Variants in ITPK1 observed in about 807,000 individuals in gnomAD.
ITPK1 encodes inositol-tetrakisphosphate 1-kinase, also known as inositol 1,3,4-trisphosphate 5/6-kinase.
A neutral mutation model predicts 45.3 loss-of-function variants in ITPK1; 21 were observed. The ratio of observed to expected loss-of-function variants is 0.46; its 90% CI spans 0.33 to 0.67. ITPK1 has a LOEUF of 0.67. ITPK1 is among the 30% of genes least tolerant of loss of function. The pLI is 0.02. For missense variants in ITPK1, 474 were observed against 573.5 expected (o/e 0.83, Z 1.77); for synonymous variants, 258 against 253.6 (o/e 1.02, Z -0.16).
chr14:93,088,993 C>T (rs1040010310), intron 2 of ITPK1, among the ~76,000 whole-genome samples: 5 of 152,194 alleles, frequency 3.3e-5, no homozygotes, highest in African/African-American at 1.2e-4. Context: ...GTGTGACTTC[C>T]TGGGGAGAAA....
At chr14:93,055,388 A>T (rs75825631) in intron 3 of ITPK1, among the ~76,000 whole-genome samples, 5,303 of 152,112 alleles carry the variant, frequency 0.035, 323 homozygotes, top group African/African-American at 0.12. Context: ...CATGTTCCCA[A>T]ATCCCACACC....
At chr14:92,961,747 C>A (rs1322440415) in intron 7 of ITPK1, among the ~76,000 whole-genome samples, 1 of 152,232 alleles carries the variant, frequency 6.6e-6, no homozygotes. Context: ...CCCAGAATTC[C>A]TACGCTGAAG....
chr14:92,954,416 C>T (rs185801973), intron 8 of ITPK1, among the ~76,000 whole-genome samples: 11 of 152,270 alleles, frequency 7.2e-5, no homozygotes, highest in African/African-American at 2.4e-4. Flanking sequence ...CCAAGAGAGT[C>T]GGTTCCTCTA....
intron 2 of ITPK1, among the ~76,000 whole-genome samples, chr14:93,092,045 C>T (rs565107460): frequency 3.1e-4 from 47 of 152,306 alleles, no homozygotes; most frequent in Non-Finnish European, 5.9e-4. Flanking sequence ...CACCTCATTC[C>T]CCACTTTTTA....
intron 5 of ITPK1, among the ~76,000 whole-genome samples, chr14:92,973,908 C>A (rs566141759): frequency 6.6e-5 from 10 of 152,234 alleles, no homozygotes; most frequent in Admixed American, 2.6e-4. Context: ...GTCCTGTCCA[C>A]GTGGCCTGGC....
intron 3 of ITPK1, among the ~76,000 whole-genome samples, chr14:93,056,313 T>A (rs1890212539): frequency 6.6e-6 from 1 of 151,840 alleles, no homozygotes; most frequent in Admixed American, 6.6e-5. Flanking sequence ...GCCTCTGGGG[T>A]CACCCAAGGG....
chr14:93,089,945 A>C (rs561205173), intron 2 of ITPK1, among the ~76,000 whole-genome samples: 3 of 152,338 alleles, frequency 2.0e-5, no homozygotes, highest in African/African-American at 7.2e-5. Context: ...GCAGAATTCC[A>C]GAAGAGCGGA....
intron 4 of ITPK1, among the ~76,000 whole-genome samples, chr14:92,994,428 C>A (rs539296535): frequency 6.6e-6 from 1 of 152,046 alleles, no homozygotes; most frequent in Non-Finnish European, 1.5e-5. Flanking sequence ...GAGAGAAACA[C>A]GCCACAGGGT....
At chr14:93,115,494 G>A (rs1170982327) in intron 1 of ITPK1, among the ~76,000 whole-genome samples, 189 bp from the exon 2 acceptor site, 2 of 149,692 alleles carry the variant, frequency 1.3e-5, no homozygotes, top group Non-Finnish European at 3.0e-5. Flanking sequence ...GCTGGGGCAC[G>A]GCTGAGCCTG....
At chr14:93,026,215 C>T (rs757242941) in intron 3 of ITPK1, among the ~76,000 whole-genome samples, 1 of 152,210 alleles carries the variant, frequency 6.6e-6, no homozygotes, top group Non-Finnish European at 1.5e-5. Context: ...TAGCCAGGAA[C>T]ACCACGTATT....
At chr14:93,065,966 C>T (rs1406423219) in intron 3 of ITPK1, among the ~76,000 whole-genome samples, 1 of 152,180 alleles carries the variant, frequency 6.6e-6, no homozygotes, top group Non-Finnish European at 1.5e-5. Context: ...AACCTGAATG[C>T]ACATCATATA....
At chr14:92,970,097 C>T (rs1308456209) in intron 5 of ITPK1, among the ~76,000 whole-genome samples, 3 of 152,140 alleles carry the variant, frequency 2.0e-5, no homozygotes, top group Non-Finnish European at 2.9e-5. Flanking sequence ...CTCATCCGAC[C>T]GGTAGCAGCT....
intron 2 of ITPK1, among the ~76,000 whole-genome samples, chr14:93,098,897 G>A (rs565108049): frequency 1.6e-4 from 25 of 152,250 alleles, no homozygotes; most frequent in African/African-American, 5.8e-4. Flanking sequence ...CGGGGCAAGG[G>A]GCTCTGAGCA....
At chr14:93,002,376 G>T (rs1308119154) in intron 4 of ITPK1, among the ~76,000 whole-genome samples, 1 of 152,118 alleles carries the variant, frequency 6.6e-6, no homozygotes, top group South Asian at 2.1e-4. Context: ...ACAAAGTAGG[G>T]CTCAAAGCAC....
At chr14:92,947,066 G>A (rs941864699) in intron 9 of ITPK1, among the ~76,000 whole-genome samples, 4 of 152,200 alleles carry the variant, frequency 2.6e-5, no homozygotes, top group African/African-American at 7.2e-5. Context: ...CAGCTGGGGC[G>A]CAGAGCCGGG....
chr14:93,006,518 T>A (rs1396914958), intron 4 of ITPK1, among the ~76,000 whole-genome samples: 1 of 152,226 alleles, frequency 6.6e-6, no homozygotes, highest in Non-Finnish European at 1.5e-5. Flanking sequence ...CTGTGTCTCC[T>A]GTGGCCTGCA....
Position 92,968,670 on chromosome 14 carries a change from T to C in ITPK1, c.365-5821A>G, listed in dbSNP as rs909288209. Among the ~76,000 whole-genome samples the C allele has an allele frequency of 6.6e-5, 10 of 152,158 alleles. 1 individual carries two copies. The highest frequency in any genetic ancestry group is 5.9e-4 in the Admixed American group (9 of 15,280). ...GCCAGACACCCCCACCCTTCTGAAATCCCAGGCTCTGTTAAGACAGCAGCC... is the reference window on the plus strand; with the variant it reads ...GCCAGACACCCCCACCCTTCTGAAACCCCAGGCTCTGTTAAGACAGCAGCC... On this transcript the variant is annotated intron_variant, in intron 5 of 10. Transcript: ENST00000267615.
chr14:93,018,723 G>A (rs937600033), intron 3 of ITPK1, among the ~76,000 whole-genome samples: 1 of 152,182 alleles, frequency 6.6e-6, no homozygotes, highest in African/African-American at 2.4e-5. Context: ...TATCTCCTGA[G>A]ACTTGGCGCC....
intron 2 of ITPK1, among the ~76,000 whole-genome samples, chr14:93,099,897 G>A (rs911241312): frequency 6.6e-6 from 1 of 152,170 alleles, no homozygotes; most frequent in Non-Finnish European, 1.5e-5. Flanking sequence ...CTCTGTGTGC[G>A]AACCCTCAGG....
Sources: gnomAD v4.1 joint callset for allele counts (sites outside exome capture counted in the v4.1 genomes callset) on GRCh38, gnomAD v4.1.1 for gene constraint, MANE v1.5 for transcripts, NCBI Gene and HGNC (gene_info 2026-07-23, HGNC 2026-07-21) for gene names.